The following ADGRD1 variants were observed in gnomAD, a reference collection of about 807,000 sequenced individuals.
ADGRD1 encodes the protein adhesion G protein-coupled receptor D1.
A neutral mutation model predicts 113.4 loss-of-function variants in ADGRD1; 77 were observed. That is an observed-to-expected ratio of 0.68 (90% CI 0.57 to 0.82). The LOEUF (loss-of-function observed/expected upper bound fraction) is 0.82, where lower values mean the gene tolerates loss of function less well. ADGRD1 is among the 40% of genes least tolerant of loss of function. The pLI is 0.00. For missense variants in ADGRD1, 1,036 were observed against 1,139.1 expected, an observed-to-expected ratio of 0.91 and a Z score of 1.30; for synonymous variants, 474 against 475.0, an observed-to-expected ratio of 1.00 and a Z score of 0.03.
At position 131,108,755 on chromosome 12, in the gene ADGRD1, A is replaced by G. The variant is rs1950287357; in HGVS notation, c.1919A>G (p.His640Arg). 1 of 1,613,970 alleles carries G rather than the reference A, an allele frequency of 6.2e-7. No individual in the cohort carries two copies. Reference protein sequence around the residue: ...TPCQVMAVLLHYFFLSAFAWM... With the variant: ...TPCQVMAVLLRYFFLSAFAWM... Reference sequence around the variant, plus strand: ...TGCCAAGTGATGGCCGTGCTCCTACACTACTTCTTCCTGAGTGCCTTCGCA... The same window carrying G: ...TGCCAAGTGATGGCCGTGCTCCTACGCTACTTCTTCCTGAGTGCCTTCGCA... The change falls in exon 18 of 25, where the codon CAC becomes CGC. Residue 640 changes from histidine (H) to arginine (R), a missense_variant. Coordinates refer to ENST00000261654, the MANE Select transcript of ADGRD1 (RefSeq NM_198827.5).
intron 4 of ADGRD1, among the ~76,000 whole-genome samples, chr12:130,980,342 G>A (rs1352511110): frequency 6.6e-6 from 1 of 151,918 alleles, no homozygotes; most frequent in Non-Finnish European, 1.5e-5. Flanking sequence ...CTGACCTCAT[G>A]ATCCACCCGC....
chr12:131,012,970 T>TA (rs1396427714), intron 12 of ADGRD1, among the ~76,000 whole-genome samples: 1 of 152,128 alleles, frequency 6.6e-6, no homozygotes, highest in East Asian at 1.9e-4. Context: ...ATGGAACAGA[T>TA]ACTTGGTGAC....
At chr12:131,108,397 T>C (rs2137347147) in intron 17 of ADGRD1, among the ~76,000 whole-genome samples, 1 of 152,198 alleles carries the variant, frequency 6.6e-6, no homozygotes, top group South Asian at 2.1e-4. Flanking sequence ...TCCACCCTGA[T>C]TGGACCAGGT....
intron 12 of ADGRD1, among the ~76,000 whole-genome samples, chr12:131,013,873 C>T (rs142029778): frequency 1.3e-5 from 2 of 152,300 alleles, no homozygotes; most frequent in African/African-American, 4.8e-5. Flanking sequence ...GCTTCCTGGG[C>T]CATCTTACTT....
chr12:131,137,114 C>A, intron 23 of ADGRD1, 100 bp downstream of exon 23: 2 of 982,736 alleles, frequency 2.0e-6, no homozygotes, highest in South Asian at 1.3e-5. Flanking sequence ...AGGGTGGTGT[C>A]TGGGACTCAA....
chr12:131,138,719 G>T (rs953530024), intron 24 of ADGRD1, among the ~76,000 whole-genome samples: 2 of 152,224 alleles, frequency 1.3e-5, no homozygotes, highest in African/African-American at 4.8e-5. Flanking sequence ...GCAGCTGTGT[G>T]ATTTTCCATT....
chr12:131,138,619 T>C (rs938998196), intron 24 of ADGRD1, among the ~76,000 whole-genome samples: 1 of 152,162 alleles, frequency 6.6e-6, no homozygotes, highest in Non-Finnish European at 1.5e-5. Context: ...GCTGGAGCCC[T>C]GCTCAGGTGT....
chr12:131,105,399 G>A (rs997725575), intron 16 of ADGRD1, among the ~76,000 whole-genome samples: 5 of 152,238 alleles, frequency 3.3e-5, no homozygotes, highest in Admixed American at 1.3e-4. Flanking sequence ...AGACATTTGG[G>A]CCGCCATGCG....
At chr12:131,099,843 A>G (rs554290499) in intron 15 of ADGRD1, among the ~76,000 whole-genome samples, 1 of 152,334 alleles carries the variant, frequency 6.6e-6, no homozygotes, top group Admixed American at 6.5e-5. Flanking sequence ...GGGAAGAGCC[A>G]TATGTCTTTC....
chr12:131,003,338 G>T lies in ADGRD1; in HGVS notation c.1144+36G>T. 7.0e-7 allele frequency: 1 copy of T among 1,429,708 alleles called. No individual in the cohort carries two copies. The highest frequency in any genetic ancestry group is 9.9e-7 in the Non-Finnish European group (1 of 1,014,642). The allele number at this position is 1,429,708 out of a possible 1,614,324, so 88.6% of individuals were successfully genotyped here. A position where few individuals can be genotyped will look rare whatever the true frequency, so the allele number is the denominator to read the frequency against. On this transcript the variant is annotated intron_variant, in intron 10 of 24. Transcript: ENST00000261654. This position sits in a 1 kb window ranked among gnomAD's most constrained non-coding sequence, Gnocchi z 4.8. Reference sequence around the variant, plus strand: ...CTTGTAAGGGTGAGCCACATGGCAGGGGCGGGGGCTGGAGGCTGCGTTTCA... The same window carrying T: ...CTTGTAAGGGTGAGCCACATGGCAGTGGCGGGGGCTGGAGGCTGCGTTTCA...
At chr12:131,077,169 G>A (rs575152351) in intron 14 of ADGRD1, among the ~76,000 whole-genome samples, 2 of 152,336 alleles carry the variant, frequency 1.3e-5, no homozygotes, top group African/African-American at 4.8e-5. Context: ...GGGAGCTGGA[G>A]GATGCTGTCC....
intron 6 of ADGRD1, chr12:130,988,257 T>C (rs1357342771): frequency 6.6e-6 from 1 of 152,182 alleles, no homozygotes; most frequent in Non-Finnish European, 1.5e-5. Context: ...TTAATATTCA[T>C]CTTTCCCCTA....
chr12:131,015,759 G>A (rs544526707), intron 13 of ADGRD1, among the ~76,000 whole-genome samples: 6 of 152,220 alleles, frequency 3.9e-5, no homozygotes, highest in South Asian at 4.1e-4. Context: ...TGCTTCCTCC[G>A]CCCCTCCCGG....
chr12:131,020,679 G>A (rs1009420156), intron 13 of ADGRD1, among the ~76,000 whole-genome samples: 5 of 152,218 alleles, frequency 3.3e-5, no homozygotes, highest in African/African-American at 4.8e-5. Flanking sequence ...ACATTTATCC[G>A]AGGCCCCTGG....
rs370443698 is a variant in ADGRD1 at position 131,084,564 on chromosome 12, C to A, written c.1572C>A (p.Asn524Lys). The A allele has an allele frequency of 1.7e-5, 27 of 1,614,008 alleles. No individual in the cohort carries two copies. The highest frequency in any genetic ancestry group is 2.3e-5 in the Non-Finnish European group (27 of 1,180,026). ...GCTCCGGAGAAGGGGTCTGGTCGAA[C>A]CACGGCTGTGCGCTCACGAGAGGAA... ...DFSSGEGVWS[N>K]HGCALTRGNL... is the part of the protein sequence containing the mutation. The change falls in exon 15 of 25, where the codon AAC (asparagine) becomes AAA (lysine). Residue 524 changes from asparagine to lysine, a missense_variant. Transcript: ENST00000261654. The surrounding 1 kb of genome is among the most constrained non-coding windows in gnomAD (Gnocchi z 4.5).
chr12:131,019,318 C>T lies in ADGRD1; in HGVS notation c.1473+4978C>T, dbSNP rs58200119. Among the ~76,000 whole-genome samples the T allele has an allele frequency of 5.9e-3, 891 of 152,278 alleles. 12 individuals are homozygous for T. Among genetic ancestry groups the T allele is most frequent in the African/African-American group, 0.021 (854 of 41,562 alleles). The stretch of plus-strand genomic sequence containing the variant: ...CTCCAGGGTGCCTCACCCAGGGCTA[C>T]GCAGGAGGCCTTTCCAGCAGTTCCA... On this transcript the variant is annotated intron_variant, in intron 13 of 24. Coordinates refer to ENST00000261654, the MANE Select transcript of ADGRD1 (RefSeq NM_198827.5).
intron 13 of ADGRD1, among the ~76,000 whole-genome samples, chr12:131,016,485 A>C (rs1251836347): frequency 6.6e-6 from 1 of 152,180 alleles, no homozygotes; most frequent in African/African-American, 2.4e-5. Context: ...GTGAGGGTGC[A>C]CTCCACAGGC....
At chr12:131,131,627 A>G (rs1593270145) in intron 20 of ADGRD1, 98 bp from the exon 21 acceptor site, 2 of 781,578 alleles carry the variant, frequency 2.6e-6, no homozygotes, top group South Asian at 3.2e-5. Flanking sequence ...CTGGCTGGGC[A>G]GGGGTAGCCT....
intron 8 of ADGRD1, among the ~76,000 whole-genome samples, chr12:130,994,491 C>G (rs540015241): frequency 6.6e-6 from 1 of 152,214 alleles, no homozygotes; most frequent in Non-Finnish European, 1.5e-5. Flanking sequence ...CAATAAACAC[C>G]CACTCTGGGC....
Sources: allele counts gnomAD v4.1 joint callset (sites outside exome capture counted in the v4.1 genomes callset), GRCh38; gene constraint gnomAD v4.1.1; non-coding constraint Gnocchi (gnomAD v3.1); transcripts MANE v1.5; gene names NCBI Gene and HGNC (gene_info 2026-07-23, HGNC 2026-07-21).